Variants in DAW1 observed in about 807,000 individuals in gnomAD.
The protein encoded by DAW1 is dynein assembly factor with WD repeats 1.
DAW1 carries 47 observed loss-of-function variants against 56.5 expected under a neutral mutation model. That is an observed-to-expected ratio of 0.83 (90% CI 0.66 to 1.06). DAW1 has a LOEUF of 1.06. Among genes scored for constraint, DAW1 ranks in the 50% least tolerant of loss-of-function variants. DAW1 has a pLI of 0.00. For synonymous variants in DAW1, 190 were observed against 179.0 expected (o/e 1.06, Z -0.49); for missense variants, 505 against 499.3 (o/e 1.01, Z -0.11).
At chr2:227,880,428 C>T (rs973617907) in intron 1 of DAW1, among the ~76,000 whole-genome samples, 4 of 150,772 alleles carry the variant, frequency 2.7e-5, no homozygotes, top group Admixed American at 6.6e-5. Context: ...GGTTGGCTCT[C>T]CACAGAATCT....
intron 2 of DAW1, among the ~76,000 whole-genome samples, chr2:227,886,181 A>G (rs1013619396): frequency 8.5e-5 from 13 of 152,122 alleles, no homozygotes; most frequent in African/African-American, 3.1e-4. Context: ...AATACTTCAT[A>G]GGGCTGACTG....
chr2:227,878,826 TG>T (rs1266013816), intron 1 of DAW1, among the ~76,000 whole-genome samples: 10 of 123,826 alleles, frequency 8.1e-5, no homozygotes, highest in African/African-American at 2.7e-4. Context: ...TTTTTTTTTT[TG>T]CCCAGGGTGG....
chr2:227,900,245 C>T (rs573515366), intron 6 of DAW1, among the ~76,000 whole-genome samples: 1 of 152,294 alleles, frequency 6.6e-6, no homozygotes, highest in East Asian at 1.9e-4. Flanking sequence ...CAAAGAAAAA[C>T]ATAATGTGTG....
chr2:227,895,204 C>T (rs935361349), intron 5 of DAW1, among the ~76,000 whole-genome samples: 2 of 152,094 alleles, frequency 1.3e-5, no homozygotes, highest in Non-Finnish European at 2.9e-5. Context: ...AGGTTTGATA[C>T]GATTTCTGAA....
chr2:227,898,242 A>G lies in DAW1; in HGVS notation c.501A>G (p.Gly167=), dbSNP rs751105128. The change falls in exon 6 of 13, where the codon GGA becomes GGG. Residue 167 remains glycine (G), a synonymous_variant. Coordinates refer to ENST00000309931, the MANE Select transcript of DAW1 (RefSeq NM_178821.3). ...GTAAACTCTGGAGTGTGGAAACAGG[A>G]AAATGTTACCATACCTTCAGGGGTC... ...KTCKLWSVET[G]KCYHTFRGHT... 5 of 1,576,668 alleles carry G rather than the reference A, an allele frequency of 3.2e-6. No individual in the cohort carries two copies. The highest frequency in any genetic ancestry group is 4.3e-6 in the Non-Finnish European group (5 of 1,158,582).
At chr2:227,916,574 T>A (rs1715820) in intron 10 of DAW1, among the ~76,000 whole-genome samples, 130,343 of 152,102 alleles carry the variant, frequency 0.86, 55,977 homozygotes, top group Middle Eastern at 0.96. Context: ...GTAGAGTGCT[T>A]TACTATTTTG....
At chr2:227,907,979 A>G (rs1373104296) in intron 10 of DAW1, among the ~76,000 whole-genome samples, 2 of 152,220 alleles carry the variant, frequency 1.3e-5, no homozygotes, top group Non-Finnish European at 2.9e-5. Flanking sequence ...TGTGATAAGC[A>G]TACATGATGC....
chr2:227,913,026 A>G (rs1691867262), intron 10 of DAW1, among the ~76,000 whole-genome samples: 1 of 152,200 alleles, frequency 6.6e-6, no homozygotes, highest in South Asian at 2.1e-4. Context: ...TTTGGCAAGC[A>G]TGTATATTGC....
intron 1 of DAW1, among the ~76,000 whole-genome samples, chr2:227,877,507 T>C (rs1690907920): frequency 6.6e-6 from 1 of 152,242 alleles, no homozygotes. Flanking sequence ...TTTGCTCATA[T>C]TGGAGCTCAG....
intron 1 of DAW1, among the ~76,000 whole-genome samples, chr2:227,879,196 C>A (rs1022102899): frequency 1.3e-5 from 2 of 152,180 alleles, no homozygotes; most frequent in African/African-American, 4.8e-5. Flanking sequence ...TTGAAAGGAG[C>A]CACCTAACAC....
intron 10 of DAW1, among the ~76,000 whole-genome samples, chr2:227,915,840 A>G (rs1342388038): frequency 6.6e-6 from 1 of 152,124 alleles, no homozygotes; most frequent in Non-Finnish European, 1.5e-5. Flanking sequence ...TCTTCTTGAT[A>G]ACCACATCAA....
chr2:227,896,400 G>A (rs1308099527), intron 5 of DAW1, among the ~76,000 whole-genome samples: 1 of 152,116 alleles, frequency 6.6e-6, no homozygotes, highest in Non-Finnish European at 1.5e-5. Context: ...TTCTCTTGTT[G>A]GGGAGGTGAG....
At chr2:227,919,335 C>T (rs1692052522) in intron 11 of DAW1, among the ~76,000 whole-genome samples, 1 of 151,428 alleles carries the variant, frequency 6.6e-6, no homozygotes, top group Non-Finnish European at 1.5e-5. Flanking sequence ...TTATTTTTAA[C>T]TGTGCCCTCA....
At chr2:227,904,864 T>C (rs1691642219) in intron 7 of DAW1, 65 bp from the exon 8 acceptor site, 10 of 1,434,690 alleles carry the variant, frequency 7.0e-6, no homozygotes, top group Non-Finnish European at 1.9e-6. Context: ...TAGACTATGA[T>C]ATTGTACGCT....
intron 12 of DAW1, among the ~76,000 whole-genome samples, chr2:227,922,021 C>T (rs571998595): frequency 2.7e-4 from 41 of 152,284 alleles, no homozygotes; most frequent in African/African-American, 8.7e-4. Flanking sequence ...GGCATGGTGG[C>T]GTACACCTGT....
At chr2:227,916,871 T>C (rs1002080091) in intron 10 of DAW1, among the ~76,000 whole-genome samples, 1 of 151,992 alleles carries the variant, frequency 6.6e-6, no homozygotes, top group Admixed American at 6.6e-5. Flanking sequence ...GTGTAGATAC[T>C]ACTATACATC....
chr2:227,884,565 A>C lies in DAW1; in HGVS notation c.41-786A>C, dbSNP rs146748871. Among the ~76,000 whole-genome samples the C allele has an allele frequency of 2.8e-3, 421 of 152,180 alleles. 2 individuals carry two copies. The highest frequency in any genetic ancestry group is 9.4e-3 in the African/African-American group (389 of 41,522). ...GTTACTGTCCTTTGTTTTTTCGGGTACTGCTAAGGCTCCTGCTCAGTCACT... is the reference window on the plus strand; with the variant it reads ...GTTACTGTCCTTTGTTTTTTCGGGTCCTGCTAAGGCTCCTGCTCAGTCACT... On this transcript the variant is annotated intron_variant, in intron 1 of 12. Transcript: ENST00000309931.
chr2:227,893,211 A>C (rs1691314615), intron 4 of DAW1, among the ~76,000 whole-genome samples: 1 of 139,110 alleles, frequency 7.2e-6, no homozygotes, highest in African/African-American at 2.6e-5. Flanking sequence ...CAGAGGTGGC[A>C]GTGAGCTGAG....
In DAW1 at chr2:227,923,795, C is replaced by G. The variant is rs553132357; in HGVS notation, c.1214-139C>G. The stretch of plus-strand genomic sequence containing the variant: ...AAAATGCCTGAGCTGCTCAGAGACT[C>G]TGCAGCTAGGCGCGGAGAACCTAGC... On this transcript the variant is annotated intron_variant, in intron 12 of 12. Transcript: ENST00000309931. 1,106 of 939,206 alleles carry G rather than the reference C, an allele frequency of 1.2e-3. 11 individuals carry two copies. The highest frequency in any genetic ancestry group is 1.6e-3 in the South Asian group (104 of 66,066). 58.2% of individuals were successfully genotyped at this position (939,206 alleles called of 1,614,324 possible).
Sources: allele counts gnomAD v4.1 joint callset (sites outside exome capture counted in the v4.1 genomes callset), GRCh38; gene constraint gnomAD v4.1.1; transcripts MANE v1.5; gene names NCBI Gene and HGNC (gene_info 2026-07-23, HGNC 2026-07-21).